The following LRP1B variants were observed in gnomAD, a reference collection of about 807,000 sequenced individuals.
The protein encoded by LRP1B is LDL receptor related protein 1B, also known as low-density lipoprotein receptor-related protein 1B.
Under a neutral mutation model 556.6 loss-of-function variants are expected in LRP1B, and 217 were observed. That is an observed-to-expected ratio of 0.39 (90% CI 0.35 to 0.44). LRP1B has a LOEUF of 0.44. LRP1B is among the 20% of genes least tolerant of loss of function. The pLI, the probability that LRP1B is intolerant of heterozygous loss-of-function variation, is 1.00. For synonymous variants in LRP1B, 2,047 were observed against 1,865.8 expected (o/e 1.10, Z -2.50); for missense variants, 5,053 against 5,620.8 (o/e 0.90, Z 3.23).
intron 3 of LRP1B, among the ~76,000 whole-genome samples, chr2:141,271,572 T>C (rs1164794056): frequency 6.6e-6 from 1 of 151,728 alleles, no homozygotes; most frequent in Non-Finnish European, 1.5e-5. Context: ...CAAAAGGCAG[T>C]TGGATAATAT....
intron 1 of LRP1B, among the ~76,000 whole-genome samples, chr2:141,828,812 G>A (rs181099139): frequency 2.0e-4 from 30 of 151,966 alleles, no homozygotes; most frequent in African/African-American, 6.5e-4. Context: ...CTGGTTAATC[G>A]GAATAATAAA....
At chr2:141,907,428 G>A (rs950235711) in intron 1 of LRP1B, among the ~76,000 whole-genome samples, 25 of 151,338 alleles carry the variant, frequency 1.7e-4, no homozygotes, top group African/African-American at 3.2e-4. Flanking sequence ...TTTCTATATC[G>A]CTTTCTAAAT....
intron 18 of LRP1B, among the ~76,000 whole-genome samples, chr2:140,969,405 T>C (rs1696337367): frequency 6.6e-6 from 1 of 152,182 alleles, no homozygotes; most frequent in East Asian, 1.9e-4. Flanking sequence ...TCCCTTTATT[T>C]TGAGCCTATG....
intron 2 of LRP1B, among the ~76,000 whole-genome samples, chr2:141,714,180 A>G (rs952076822): frequency 2.6e-5 from 4 of 152,190 alleles, no homozygotes; most frequent in Non-Finnish European, 5.9e-5. Flanking sequence ...CTTTAATATG[A>G]AAAACTTCAA....
chr2:141,744,192 T>C (rs893156211), intron 2 of LRP1B, among the ~76,000 whole-genome samples: 6 of 152,226 alleles, frequency 3.9e-5, no homozygotes, highest in Middle Eastern at 3.4e-3. Context: ...TGTGCTTTCA[T>C]TGTCATTTGT....
intron 2 of LRP1B, among the ~76,000 whole-genome samples, chr2:141,665,462 C>T (rs1028564477): frequency 1.3e-5 from 2 of 152,096 alleles, no homozygotes; most frequent in Non-Finnish European, 2.9e-5. Context: ...GAAGTTGGAA[C>T]ACTTTTACAC....
At chr2:140,246,415 A>C (rs1178479678) in intron 87 of LRP1B, among the ~76,000 whole-genome samples, 1 of 151,442 alleles carries the variant, frequency 6.6e-6, no homozygotes, top group Non-Finnish European at 1.5e-5. Context: ...TTTATTTTGA[A>C]AAACTTTATA....
chr2:141,495,572 A>T (rs542738897), intron 2 of LRP1B, among the ~76,000 whole-genome samples: 1 of 152,248 alleles, frequency 6.6e-6, no homozygotes, highest in East Asian at 1.9e-4. Context: ...AAAGTAGAAC[A>T]CATTTTTACT....
At chr2:141,465,148 A>G (rs1177796180) in intron 3 of LRP1B, among the ~76,000 whole-genome samples, 2 of 151,734 alleles carry the variant, frequency 1.3e-5, no homozygotes, top group East Asian at 3.9e-4. Flanking sequence ...GTTAAAATCA[A>G]TGTTAAAGTA....
intron 86 of LRP1B, among the ~76,000 whole-genome samples, chr2:140,254,073 T>C (rs1216621340): frequency 6.6e-6 from 1 of 152,200 alleles, no homozygotes; most frequent in African/African-American, 2.4e-5. Context: ...AAAGATTTCT[T>C]CTACAAAAAC....
chr2:140,872,081 T>C (rs1272317954), intron 25 of LRP1B, among the ~76,000 whole-genome samples: 1 of 61,018 alleles, frequency 1.6e-5, no homozygotes, highest in Non-Finnish European at 3.6e-5. Context: ...TAGGACCTTG[T>C]ATTTTTTTTT....
rs772472942 is a variant in LRP1B at position 141,517,029 on chromosome 2, A to AAAAAAACAAAAAAAC, written c.206-36497_206-36496insGTTTTTTTGTTTTTT. Among the ~76,000 whole-genome samples, 193 of 90,176 alleles carry AAAAAAACAAAAAAAC rather than the reference A, an allele frequency of 2.1e-3. 18 individuals are homozygous for AAAAAAACAAAAAAAC. The highest frequency in any genetic ancestry group is 8.5e-3 in the Middle Eastern group (1 of 118). The allele number at this position is 90,176 out of a possible 152,430, so 59.2% of individuals were successfully genotyped here. On this transcript the variant is annotated intron_variant, in intron 2 of 90. Transcript: ENST00000389484. Reference sequence around the variant, plus strand: ...TAAAAAAAAAAAAAAAAAAAAAAAAAAAAGTAAATCAATGAAATAATTTAA... The same window carrying AAAAAAACAAAAAAAC: ...TAAAAAAAAAAAAAAAAAAAAAAAAAAAAAAACAAAAAAACAAAGTAAATCAATGAAATAATTTAA...
chr2:141,707,484 T>G (rs1403815301), intron 2 of LRP1B, among the ~76,000 whole-genome samples: 1 of 152,130 alleles, frequency 6.6e-6, no homozygotes, highest in African/African-American at 2.4e-5. Flanking sequence ...CAGATGAATA[T>G]TAGAAATCCT....
At chr2:140,905,627 C>T (rs1265465694) in intron 22 of LRP1B, among the ~76,000 whole-genome samples, 1 of 152,020 alleles carries the variant, frequency 6.6e-6, no homozygotes, top group Non-Finnish European at 1.5e-5. Flanking sequence ...CTGTTTTCCC[C>T]TCCTGTTAAG....
chr2:142,079,499 CTTT>C (rs56306746), intron 1 of LRP1B, among the ~76,000 whole-genome samples: 2 of 150,942 alleles, frequency 1.3e-5, no homozygotes, highest in East Asian at 2.0e-4. Flanking sequence ...CTTTCTTTCT[CTTT>C]TTTTTTATTT....
Position 140,475,201 on chromosome 2 carries a change from G to A in LRP1B, c.9562C>T (p.Leu3188Phe). 6.2e-7 allele frequency: 1 copy of A among 1,611,632 alleles called. No individual in the cohort carries two copies. Among genetic ancestry groups the A allele is most frequent in the Non-Finnish European group, 8.5e-7 (1 of 1,178,544 alleles). ...ALTIDYVNRR[L>F]YWADENHIEF... ...ATGTGATTTTCATCGGCCCAGTAGA[G>A]TCTACGATTAACATAATCTATTGTT... Residue 3188 changes from leucine to phenylalanine, a missense_variant, in exon 60 of 91, where the codon CTC becomes TTC. Coordinates refer to ENST00000389484, the MANE Select transcript of LRP1B (RefSeq NM_018557.3).
intron 7 of LRP1B, among the ~76,000 whole-genome samples, chr2:141,102,268 G>T (rs998416294): frequency 6.6e-6 from 1 of 152,020 alleles, no homozygotes; most frequent in Non-Finnish European, 1.5e-5. Flanking sequence ...TGATAATCAT[G>T]ACCATAGAGC....
chr2:140,927,708 C>CTT (rs11441032), intron 20 of LRP1B, among the ~76,000 whole-genome samples: 10,960 of 115,970 alleles, frequency 0.095, 1,067 homozygotes, highest in Non-Finnish European at 0.11. Flanking sequence ...ACGAGGAAGG[C>CTT]TTTTTTTTTT....
chr2:141,223,978 G>T (rs1439286265), intron 6 of LRP1B, among the ~76,000 whole-genome samples: 1 of 152,142 alleles, frequency 6.6e-6, no homozygotes, highest in Non-Finnish European at 1.5e-5. Flanking sequence ...CACGGGCAAA[G>T]ATTTCCTGAC....
Sources: gnomAD v4.1 joint callset for allele counts (sites outside exome capture counted in the v4.1 genomes callset) on GRCh38, gnomAD v4.1.1 for gene constraint, MANE v1.5 for transcripts, NCBI Gene and HGNC (gene_info 2026-07-23, HGNC 2026-07-21) for gene names.